SMIM1: variants seen among roughly 807,000 people sequenced by gnomAD.
SMIM1 encodes small integral membrane protein 1.
SMIM1 carries 7 observed loss-of-function variants against 7.7 expected under a neutral mutation model. That is an observed-to-expected ratio of 0.91 (90% CI 0.52 to 1.71). SMIM1 has a LOEUF of 1.71. Ranked by LOEUF, SMIM1 falls within the 40% of genes most tolerant of loss-of-function variation. The pLI, the probability that SMIM1 is intolerant of heterozygous loss-of-function variation, is 0.00. For missense variants in SMIM1, 95 were observed against 102.8 expected (o/e 0.92, Z 0.33); for synonymous variants, 41 against 42.7 (o/e 0.96, Z 0.16).
Position 3,775,372 on chromosome 1 carries a change from G to T in SMIM1, c.-2G>T. Reference sequence around the variant, plus strand: ...CCGCCCCTCCCGCTGCAGCCCCACAGCATGCAGCCCCAGGAGAGCCACGTC... The same window carrying T: ...CCGCCCCTCCCGCTGCAGCCCCACATCATGCAGCCCCAGGAGAGCCACGTC... On this transcript the variant is annotated 5_prime_UTR_variant, in exon 3 of 4. Coordinates refer to ENST00000642557, the MANE Select transcript of SMIM1 (RefSeq NM_001288583.2). The surrounding 1 kb of genome is among the most constrained non-coding windows in gnomAD (Gnocchi z 5.3). 1 of 1,548,622 alleles carries T rather than the reference G, an allele frequency of 6.5e-7. No homozygotes were observed. Among genetic ancestry groups the T allele is most frequent in the African/African-American group, 1.4e-5 (1 of 72,916 alleles).
chr1:3,773,498 T>G (rs776704873), intron 2 of SMIM1, among the ~76,000 whole-genome samples: 9 of 152,156 alleles, frequency 5.9e-5, no homozygotes, highest in Non-Finnish European at 8.8e-5. Context: ...TTGAACACAC[T>G]GGGCTTGACC....
At chr1:3,774,463 T>A (rs1276512753) in intron 2 of SMIM1, among the ~76,000 whole-genome samples, 1 of 152,182 alleles carries the variant, frequency 6.6e-6, no homozygotes, top group Non-Finnish European at 1.5e-5. Flanking sequence ...TGCTTGGAGT[T>A]CCTGCTCAGT....
intron 2 of SMIM1, among the ~76,000 whole-genome samples, chr1:3,774,676 C>T (rs1184341): frequency 0.31 from 38,454 of 126,018 alleles, 5,445 homozygotes; most frequent in African/African-American, 0.39. Context: ...CTTGAATCCA[C>T]CCCGGCCCCG....
chr1:3,774,422 CTGGCTCAGG>C (rs1643426568), intron 2 of SMIM1, among the ~76,000 whole-genome samples: 1 of 152,176 alleles, frequency 6.6e-6, no homozygotes, highest in Non-Finnish European at 1.5e-5. Context: ...AGAGTCCGGG[CTGGCTCAGG>C]CCGGCCGGGC....
rs1415346812 is a variant in SMIM1 at position 3,773,049 on chromosome 1, CT to C, written c.-194-11del. ...TAGCAAGATCGGCTTCTCCGGTCAC[CT>C]TTATTTTTTTAGGCTCGAGGCGTCT... On this transcript the variant is annotated splice_polypyrimidine_tract_variant and intron_variant, in intron 1 of 3. Coordinates refer to ENST00000642557, the MANE Select transcript of SMIM1 (RefSeq NM_001288583.2). 6.6e-6 allele frequency: 1 copy of C among 152,256 alleles called. No homozygotes were observed. 9.4% of individuals were successfully genotyped at this position (152,256 alleles called of 1,614,324 possible). A position where few individuals can be genotyped will look rare whatever the true frequency, so the allele number is the denominator to read the frequency against.
At chr1:3,773,843 A>G (rs1212700101) in intron 2 of SMIM1, among the ~76,000 whole-genome samples, 1 of 152,186 alleles carries the variant, frequency 6.6e-6, no homozygotes, top group African/African-American at 2.4e-5. Context: ...ACACCAGGCA[A>G]GAGGGCGTGA....
rs1473002531 is a variant in SMIM1 at position 3,775,902 on chromosome 1, A to G, written c.218A>G (p.Tyr73Cys). ...ATCCTGGGCTACCTCACAGGCTACT[A>G]TGTGCACAAGTGCAAATAAATGCTG... ...IFILGYLTGY[Y>C]VHKCK The change falls in exon 4 of 4, where the codon TAT becomes TGT. Residue 73 changes from tyrosine (Y) to cysteine (C), a missense_variant. Transcript: ENST00000642557. This position sits in a 1 kb window ranked among gnomAD's most constrained non-coding sequence, Gnocchi z 5.3. 4 of 1,550,288 alleles carry G rather than the reference A, an allele frequency of 2.6e-6. No individual in the cohort carries two copies. The highest frequency in any genetic ancestry group is 3.5e-6 in the Non-Finnish European group (4 of 1,146,908).
In SMIM1 at chr1:3,775,274, C is replaced by T. The variant is rs879943936; in HGVS notation, c.-75-25C>T. ...CAGCCTCAGAGGGGGTCTTGACTGC[C>T]GCCCTCCATCCGCTTGTTTTACAGT... On this transcript the variant is annotated intron_variant, in intron 2 of 3. Transcript: ENST00000642557. This position sits in a 1 kb window ranked among gnomAD's most constrained non-coding sequence, Gnocchi z 5.3. The T allele has an allele frequency of 2.5e-5, 21 of 856,772 alleles. No individual in the cohort carries two copies. Among genetic ancestry groups the T allele is most frequent in the South Asian group, 3.4e-5 (2 of 58,472 alleles). The allele number at this position is 856,772 out of a possible 1,614,324, so 53.1% of individuals were successfully genotyped here.
intron 2 of SMIM1, among the ~76,000 whole-genome samples, chr1:3,774,983 G>A (rs1256227796): frequency 6.6e-6 from 1 of 152,046 alleles, no homozygotes; most frequent in Non-Finnish European, 1.5e-5. Context: ...CAATGTCCTC[G>A]TCTCTTGAGG....
Position 3,775,714 on chromosome 1 carries a change from A to G in SMIM1, c.111-81A>G. The G allele has an allele frequency of 6.7e-7, 1 of 1,492,722 alleles. No individual in the cohort carries two copies. Among genetic ancestry groups the G allele is most frequent in the Non-Finnish European group, 8.9e-7 (1 of 1,122,766 alleles). The allele number at this position is 1,492,722 out of a possible 1,614,324, so 92.5% of individuals were successfully genotyped here. A position where few individuals can be genotyped will look rare whatever the true frequency, so the allele number is the denominator to read the frequency against. On this transcript the variant is annotated intron_variant, in intron 3 of 3. Transcript: ENST00000642557. The surrounding 1 kb of genome is among the most constrained non-coding windows in gnomAD (Gnocchi z 5.3). Reference sequence around the variant, plus strand: ...GCGCCCAGGCCCCTCCCCCTGACCCAGACCAACGGCCACAGTCCACTTAGG... The same window carrying G: ...GCGCCCAGGCCCCTCCCCCTGACCCGGACCAACGGCCACAGTCCACTTAGG...
At chr1:3,774,900 G>A (rs1351349746) in intron 2 of SMIM1, among the ~76,000 whole-genome samples, 1 of 148,790 alleles carries the variant, frequency 6.7e-6, no homozygotes, top group East Asian at 2.2e-4. Context: ...CCTCCCCAGA[G>A]GCCAGAAGGC....
Position 3,775,357 on chromosome 1 carries a change from C to G in SMIM1, c.-17C>G. ...CCCACCGAGAAGGCCCCGCCCCTCC[C>G]GCTGCAGCCCCACAGCATGCAGCCC... On this transcript the variant is annotated 5_prime_UTR_variant, in exon 3 of 4. Transcript: ENST00000642557. The surrounding 1 kb of genome is among the most constrained non-coding windows in gnomAD (Gnocchi z 5.3). 1 of 1,541,872 alleles carries G rather than the reference C, an allele frequency of 6.5e-7. No homozygotes were observed. Among genetic ancestry groups the G allele is most frequent in the Non-Finnish European group, 8.8e-7 (1 of 1,141,238 alleles).
Position 3,775,260 on chromosome 1 carries a change from G to A in SMIM1, c.-75-39G>A, listed in dbSNP as rs1643440407. 2.8e-6 allele frequency: 2 copies of A among 705,744 alleles called. No homozygotes were observed. The highest frequency in any genetic ancestry group is 4.6e-6 in the Non-Finnish European group (2 of 432,144). The allele number at this position is 705,744 out of a possible 1,614,324, so 43.7% of individuals were successfully genotyped here. A position where few individuals can be genotyped will look rare whatever the true frequency, so the allele number is the denominator to read the frequency against. On this transcript the variant is annotated intron_variant, in intron 2 of 3. Coordinates refer to ENST00000642557, the MANE Select transcript of SMIM1 (RefSeq NM_001288583.2). The surrounding 1 kb of genome is among the most constrained non-coding windows in gnomAD (Gnocchi z 5.3). ...CCCTCTCCTAACAGCAGCCTCAGAG[G>A]GGGTCTTGACTGCCGCCCTCCATCC...
rs759051933 is a variant in SMIM1 at position 3,775,348 on chromosome 1, C to G, written c.-26C>G. 6.5e-7 allele frequency: 1 copy of G among 1,534,168 alleles called. No individual in the cohort carries two copies. Among genetic ancestry groups the G allele is most frequent in the South Asian group, 1.2e-5 (1 of 83,546 alleles). On this transcript the variant is annotated 5_prime_UTR_variant, in exon 3 of 4. Transcript: ENST00000642557. This position sits in a 1 kb window ranked among gnomAD's most constrained non-coding sequence, Gnocchi z 5.3. The stretch of plus-strand genomic sequence containing the variant: ...CTTGATCTCCCCACCGAGAAGGCCC[C>G]GCCCCTCCCGCTGCAGCCCCACAGC...
chr1:3,775,655 T>C lies in SMIM1; in HGVS notation c.111-140T>C. ...CTTTGGCCTTCCCTCTGGTTGGCTGTGGGCGGGGAGAGCTTCCTCTTGACT... is the reference window on the plus strand; with the variant it reads ...CTTTGGCCTTCCCTCTGGTTGGCTGCGGGCGGGGAGAGCTTCCTCTTGACT... On this transcript the variant is annotated intron_variant, in intron 3 of 3. Transcript: ENST00000642557. This position sits in a 1 kb window ranked among gnomAD's most constrained non-coding sequence, Gnocchi z 5.3. 2 of 1,356,296 alleles carry C rather than the reference T, an allele frequency of 1.5e-6. No homozygotes were observed. The highest frequency in any genetic ancestry group is 9.8e-7 in the Non-Finnish European group (1 of 1,020,188). The allele number at this position is 1,356,296 out of a possible 1,614,324, so 84.0% of individuals were successfully genotyped here. A position where few individuals can be genotyped will look rare whatever the true frequency, so the allele number is the denominator to read the frequency against.
Position 3,775,261 on chromosome 1 carries a change from G to A in SMIM1, c.-75-38G>A, listed in dbSNP as rs1016215961. On this transcript the variant is annotated intron_variant, in intron 2 of 3. Transcript: ENST00000642557. This position sits in a 1 kb window ranked among gnomAD's most constrained non-coding sequence, Gnocchi z 5.3. ...CCTCTCCTAACAGCAGCCTCAGAGG[G>A]GGTCTTGACTGCCGCCCTCCATCCG... 1 of 708,946 alleles carries A rather than the reference G, an allele frequency of 1.4e-6. No homozygotes were observed. Among genetic ancestry groups the A allele is most frequent in the Non-Finnish European group, 2.3e-6 (1 of 435,022 alleles). 43.9% of individuals were successfully genotyped at this position (708,946 alleles called of 1,614,324 possible). A position where few individuals can be genotyped will look rare whatever the true frequency, so the allele number is the denominator to read the frequency against.
In SMIM1 at chr1:3,775,940, G is replaced by GC. The variant is rs113126973; in HGVS notation, c.*20dup. ...CAAATAAATGCTGCCCCGCATGCAC[G>GC]CGGGGGGCTGGCCGCACACGTGAGA... On this transcript the variant is annotated 3_prime_UTR_variant, in exon 4 of 4. Coordinates refer to ENST00000642557, the MANE Select transcript of SMIM1 (RefSeq NM_001288583.2). The surrounding 1 kb of genome is among the most constrained non-coding windows in gnomAD (Gnocchi z 5.3). The GC allele has an allele frequency of 1.3e-3, 2,038 of 1,545,078 alleles. 28 individuals carry two copies. In the African/African-American group the frequency reaches 0.024, roughly 18 times the overall value.
chr1:3,775,922 ATGC>A lies in SMIM1; in HGVS notation c.*5_*7del, dbSNP rs1643452294. 1.9e-6 allele frequency: 3 copies of A among 1,548,724 alleles called. No individual in the cohort carries two copies. Among genetic ancestry groups the A allele is most frequent in the South Asian group, 1.2e-5 (1 of 84,050 alleles). On this transcript the variant is annotated 3_prime_UTR_variant, in exon 4 of 4. Coordinates refer to ENST00000642557, the MANE Select transcript of SMIM1 (RefSeq NM_001288583.2). The surrounding 1 kb of genome is among the most constrained non-coding windows in gnomAD (Gnocchi z 5.3). ...CTACTATGTGCACAAGTGCAAATAA[ATGC>A]TGCCCCGCATGCACGCGGGGGGCTG...
chr1:3,775,777 A>T lies in SMIM1; in HGVS notation c.111-18A>T. On this transcript the variant is annotated intron_variant, in intron 3 of 3. Coordinates refer to ENST00000642557, the MANE Select transcript of SMIM1 (RefSeq NM_001288583.2). The surrounding 1 kb of genome is among the most constrained non-coding windows in gnomAD (Gnocchi z 5.3). ...CGGCCCTGGCCTGGGGCTCACCTCC[A>T]GTTGGTTCTCACCCCAGGATCTCCC... 1.3e-6 allele frequency: 2 copies of T among 1,548,118 alleles called. No individual in the cohort carries two copies. The highest frequency in any genetic ancestry group is 4.9e-5 in the East Asian group (2 of 40,890).
Sources: allele counts gnomAD v4.1 joint callset (sites outside exome capture counted in the v4.1 genomes callset), GRCh38; gene constraint gnomAD v4.1.1; non-coding constraint Gnocchi (gnomAD v3.1); transcripts MANE v1.5; gene names NCBI Gene and HGNC (gene_info 2026-07-23, HGNC 2026-07-21).